Variants in NPAS2 observed in about 807,000 individuals in gnomAD.
NPAS2 encodes neuronal PAS domain protein 2.
A neutral mutation model predicts 107.5 loss-of-function variants in NPAS2; 23 were observed. That is an observed-to-expected ratio of 0.21 (90% CI 0.15 to 0.30). The LOEUF (loss-of-function observed/expected upper bound fraction) is 0.30, where lower values mean the gene tolerates loss of function less well. Ranked by LOEUF, NPAS2 falls within the 10% of genes least tolerant of loss-of-function variation. NPAS2 has a pLI of 1.00. For missense variants in NPAS2, 756 were observed against 1,043.3 expected (o/e 0.72, Z 3.79); for synonymous variants, 403 against 417.5 (o/e 0.97, Z 0.42).
At position 100,912,244 on chromosome 2, in the gene NPAS2, AT is replaced by A. The variant is rs1188970274; in HGVS notation, c.32+7461del. On this transcript the variant is annotated intron_variant, in intron 2 of 20. Coordinates refer to ENST00000335681, the MANE Select transcript of NPAS2 (RefSeq NM_002518.4). ...TATTTATTTATTTATTTATTTATTT[AT>A]TTATTTATTTATTATTATTATTTTG... 5.2e-4 allele frequency among the ~76,000 whole-genome samples: 57 copies of A among 109,604 alleles called. 1 individual carries two copies. In the East Asian group the frequency reaches 5.6e-3, roughly 11 times the overall value. The allele number at this position is 109,604 out of a possible 152,430, so 71.9% of individuals were successfully genotyped here. A position where few individuals can be genotyped will look rare whatever the true frequency, so the allele number is the denominator to read the frequency against.
At chr2:100,873,307 T>TATATATATACAC (rs1280164445) in intron 1 of NPAS2, among the ~76,000 whole-genome samples, 4 of 41,902 alleles carry the variant, frequency 9.5e-5, no homozygotes, top group Middle Eastern at 0.028. Flanking sequence ...TATATATATA[T>TATATATATACAC]ACACACACAC....
chr2:100,943,090 G>A (rs1254024308), intron 5 of NPAS2, among the ~76,000 whole-genome samples: 2 of 152,134 alleles, frequency 1.3e-5, no homozygotes, highest in African/African-American at 4.8e-5. Context: ...TGGCTGGGTT[G>A]AGGGAAGTTC....
At chr2:100,904,873 C>A (rs2104775534) in intron 2 of NPAS2, 87 bp downstream of exon 2, 1 of 903,210 alleles carries the variant, frequency 1.1e-6, no homozygotes. Context: ...TCACTCTGTG[C>A]AGGTGAGGCC....
intron 2 of NPAS2, among the ~76,000 whole-genome samples, chr2:100,914,200 A>G (rs1304766607): frequency 6.6e-6 from 1 of 152,126 alleles, no homozygotes; most frequent in Non-Finnish European, 1.5e-5. Flanking sequence ...CCTTGGAACC[A>G]TGGCCCTCTC....
chr2:100,909,637 T>C (rs1682404784), intron 2 of NPAS2, among the ~76,000 whole-genome samples: 1 of 152,198 alleles, frequency 6.6e-6, no homozygotes, highest in African/African-American at 2.4e-5. Flanking sequence ...TTTGCTGTGA[T>C]TTCCTTTCAT....
intron 1 of NPAS2, among the ~76,000 whole-genome samples, chr2:100,859,262 C>CA (rs992685854): frequency 2.0e-5 from 3 of 151,538 alleles, no homozygotes; most frequent in Admixed American, 6.6e-5. Context: ...GACTCCATCT[C>CA]AAAAAAAATA....
chr2:100,908,312 G>A (rs1431881556), intron 2 of NPAS2, among the ~76,000 whole-genome samples: 6 of 151,970 alleles, frequency 3.9e-5, no homozygotes, highest in Middle Eastern at 3.2e-3. Flanking sequence ...TTTGCAGAGC[G>A]CTCACAGCCT....
chr2:100,821,128 AG>A, intron 1 of NPAS2: 1 of 1,304,728 alleles, frequency 7.7e-7, no homozygotes, highest in Middle Eastern at 2.1e-4. Context: ...TAACCAGGGA[AG>A]GGACAGGCAC....
chr2:100,993,477 C>A lies in NPAS2; in HGVS notation c.2242C>A (p.Pro748Thr). 1 of 1,608,968 alleles carries A rather than the reference C, an allele frequency of 6.2e-7. No homozygotes were observed. The highest frequency in any genetic ancestry group is 8.5e-7 in the Non-Finnish European group (1 of 1,177,780). ...CAGCTTCCCTGCCTCCCAACCATCGCCCCTGCAGCCTGCACAGGCCCGGCA... is the reference window on the plus strand; with the variant it reads ...CAGCTTCCCTGCCTCCCAACCATCGACCCTGCAGCCTGCACAGGCCCGGCA... ...HPSFPASQPS[P>T]LQPAQARQQP... Residue 748 changes from proline (P) to threonine (T), a missense_variant, in exon 20 of 21, where the codon CCC (proline) becomes ACC (threonine). Physicochemically the swap from Pro to Thr is conservative, Grantham distance 38. Transcript: ENST00000335681.
intron 2 of NPAS2, among the ~76,000 whole-genome samples, chr2:100,908,812 G>A (rs1167820122): frequency 6.6e-6 from 1 of 152,136 alleles, no homozygotes; most frequent in Non-Finnish European, 1.5e-5. Context: ...GAGTAGAAGG[G>A]GAGTTTATGG....
chr2:100,916,529 C>T, intron 2 of NPAS2, among the ~76,000 whole-genome samples: 1 of 152,070 alleles, frequency 6.6e-6, no homozygotes, highest in East Asian at 1.9e-4. Context: ...ACGTATGATA[C>T]AGGATCAATT....
intron 1 of NPAS2, among the ~76,000 whole-genome samples, chr2:100,827,768 T>C (rs1331231922): frequency 2.6e-5 from 4 of 152,220 alleles, no homozygotes; most frequent in Non-Finnish European, 5.9e-5. Context: ...GTAACACATT[T>C]TCTTTATCCA....
At chr2:100,897,818 C>T (rs1218338998) in intron 1 of NPAS2, among the ~76,000 whole-genome samples, 1 of 152,218 alleles carries the variant, frequency 6.6e-6, no homozygotes, top group African/African-American at 2.4e-5. Context: ...ATGTAAGCAC[C>T]ATGAGAGTAG....
chr2:100,879,422 G>A (rs1217050999), intron 1 of NPAS2, among the ~76,000 whole-genome samples: 1 of 152,074 alleles, frequency 6.6e-6, no homozygotes, highest in Non-Finnish European at 1.5e-5. Context: ...CAATCCTCAT[G>A]TTACTCTAGC....
intron 1 of NPAS2, among the ~76,000 whole-genome samples, chr2:100,828,535 C>T (rs1264834334): frequency 1.3e-5 from 2 of 152,192 alleles, no homozygotes; most frequent in Admixed American, 6.5e-5. Flanking sequence ...TGAAGTCTTA[C>T]ATTTAAATCC....
At chr2:100,898,800 AC>A (rs1222344909) in intron 1 of NPAS2, among the ~76,000 whole-genome samples, 24 of 147,366 alleles carry the variant, frequency 1.6e-4, no homozygotes, top group Middle Eastern at 3.4e-3. Context: ...AAAAAAAAAA[AC>A]AAACCTGAAA....
chr2:100,940,986 A>C (rs1455319337), intron 5 of NPAS2, among the ~76,000 whole-genome samples: 1 of 152,160 alleles, frequency 6.6e-6, no homozygotes, highest in Non-Finnish European at 1.5e-5. Context: ...GTGTCAGGCC[A>C]AGCACAGGCT....
intron 1 of NPAS2, among the ~76,000 whole-genome samples, chr2:100,836,172 GA>G (rs1677045509): frequency 1.3e-5 from 2 of 152,162 alleles, no homozygotes; most frequent in Non-Finnish European, 2.9e-5. Flanking sequence ...TACCGTTTAT[GA>G]AAACAGAAGC....
chr2:100,897,198 C>T (rs763202459), intron 1 of NPAS2, among the ~76,000 whole-genome samples: 1 of 152,150 alleles, frequency 6.6e-6, no homozygotes, highest in Non-Finnish European at 1.5e-5. Flanking sequence ...TGGTCCCTCC[C>T]AGGACACATG....
Sources: gnomAD v4.1 joint callset for allele counts (sites outside exome capture counted in the v4.1 genomes callset) on GRCh38, gnomAD v4.1.1 for gene constraint, MANE v1.5 for transcripts, NCBI Gene and HGNC (gene_info 2026-07-23, HGNC 2026-07-21) for gene names.